NBPF15: variants seen among roughly 807,000 people sequenced by gnomAD.
NBPF15 encodes NBPF member 15.
In NBPF15, 74 loss-of-function variants were observed where a neutral mutation model predicts 62.2. The observed-to-expected ratio is 1.19, with a 90% CI of 0.99 to 1.44. NBPF15 has a LOEUF of 1.44. NBPF15 is among the 40% of genes most tolerant of loss of function. The probability of loss-of-function intolerance (pLI) is 0.00; values close to 1 mark genes in which losing one functional copy is unlikely to be tolerated. For missense variants in NBPF15, 790 were observed against 550.0 expected, an observed-to-expected ratio of 1.44 and a Z score of -4.36; for synonymous variants, 244 against 209.7, an observed-to-expected ratio of 1.16 and a Z score of -1.41.
intron 4 of NBPF15, among the ~76,000 whole-genome samples, chr1:144,453,638 C>CAAAAAA (rs200525708): frequency 1.9e-4 from 7 of 36,378 alleles, no homozygotes; most frequent in Admixed American, 3.7e-4. Context: ...CAACACAAAG[C>CAAAAAA]AAAAAAAAAA....
In NBPF15 at chr1:144,439,871, T is replaced by G. The variant is rs1291388138; in HGVS notation, c.133A>C (p.Thr45Pro). ...TTGGCCAGGAAGCCGGCCAGTTGAG[T>G]TAGAAAACATTTCTCTTTGAGGTTT... is the stretch of plus-strand genomic sequence containing the variant. ...FRNLKEKCFL[T>P]QLAGFLANRQ... is the part of the protein sequence containing the mutation. The change falls in exon 8 of 22, where the codon ACT (threonine) becomes CCT (proline). Residue 45 changes from threonine to proline, a missense_variant. By Grantham distance (38) the Thr-to-Pro change is conservative (BLOSUM62 -1). Coordinates refer to ENST00000581897, the MANE Select transcript of NBPF15 (RefSeq NM_001385408.1). The G allele has an allele frequency of 3.7e-6, 6 of 1,610,496 alleles. No homozygotes were observed. In the East Asian group the frequency reaches 1.3e-4, roughly 36 times the overall value.
At chr1:144,434,814 A>G (rs1553540726) in intron 12 of NBPF15, among the ~76,000 whole-genome samples, 1 of 151,990 alleles carries the variant, frequency 6.6e-6, no homozygotes, top group Non-Finnish European at 1.5e-5. Flanking sequence ...ACTTAATCAC[A>G]GATGACAAGA....
rs1282327219 is a variant in NBPF15 at position 144,456,676 on chromosome 1, G to A, written c.-571C>T. The stretch of plus-strand genomic sequence containing the variant: ...AGTGGGAGTTGGTGGCAGCCCCAGC[G>A]TGGAGGCCAAGAACACACAGCACTG... On this transcript the variant is annotated 5_prime_UTR_variant, in exon 4 of 22. The change creates a new upstream start codon in the 5' untranslated region. Transcript: ENST00000581897. The A allele has an allele frequency of 1.7e-4, 250 of 1,440,944 alleles. 2 individuals are homozygous for A. Among genetic ancestry groups the A allele is most frequent in the African/African-American group, 4.0e-4 (28 of 69,392 alleles). 89.3% of individuals were successfully genotyped at this position (1,440,944 alleles called of 1,614,324 possible).
rs1231910724 is a variant in NBPF15 at position 144,459,377 on chromosome 1, A to G, written c.-712T>C. On this transcript the variant is annotated 5_prime_UTR_variant, in exon 3 of 22. Transcript: ENST00000581897. The stretch of plus-strand genomic sequence containing the variant: ...GTGGTGGTGCTCACCTGTAGGTCCC[A>G]GCTACTTGGGGGCTGAGGCAGGAGG... 3.3e-5 allele frequency: 5 copies of G among 151,998 alleles called. No individual in the cohort carries two copies. The highest frequency in any genetic ancestry group is 7.4e-5 in the Non-Finnish European group (5 of 68,008). The allele number at this position is 151,998 out of a possible 1,614,324, so 9.4% of individuals were successfully genotyped here. A position where few individuals can be genotyped will look rare whatever the true frequency, so the allele number is the denominator to read the frequency against.
chr1:144,435,228 C>G lies in NBPF15; in HGVS notation c.655G>C (p.Asp219His). The change falls in exon 12 of 22, where the codon GAC (aspartate) becomes CAC (histidine). Residue 219 changes from aspartate to histidine, a missense_variant. Coordinates refer to ENST00000581897, the MANE Select transcript of NBPF15 (RefSeq NM_001385408.1). ...ITCSNSHGPYDSNQPHKKTKI... is the reference protein window; with the variant it reads ...ITCSNSHGPYHSNQPHKKTKI... ...GTTTTCTTATGTGGCTGGTTGGAGT[C>G]ATAAGGGCCATGGCTATTTGAACAA... is the stretch of plus-strand genomic sequence containing the variant. The G allele has an allele frequency of 1.2e-6, 2 of 1,612,908 alleles. No individual in the cohort carries two copies. The highest frequency in any genetic ancestry group is 1.7e-6 in the Non-Finnish European group (2 of 1,179,644).
At chr1:144,428,976 T>C (rs9438340) in intron 14 of NBPF15, among the ~76,000 whole-genome samples, 4 of 152,046 alleles carry the variant, frequency 2.6e-5, no homozygotes, top group Admixed American at 6.6e-5. Flanking sequence ...ATAGGAGAGA[T>C]ACTTCAATAT....
chr1:144,429,058 G>A (rs1367869635), intron 14 of NBPF15, among the ~76,000 whole-genome samples: 1 of 151,778 alleles, frequency 6.6e-6, no homozygotes, highest in Non-Finnish European at 1.5e-5. Context: ...TTGATGAAGG[G>A]GTGCAATGTA....
In NBPF15 at chr1:144,426,450, C is replaced by T. The variant is rs1430504547; in HGVS notation, c.1266G>A (p.Arg422=). 1.3e-6 allele frequency: 1 copy of T among 795,838 alleles called. No individual in the cohort carries two copies. The highest frequency in any genetic ancestry group is 2.3e-6 in the Non-Finnish European group (1 of 436,708). The allele number at this position is 795,838 out of a possible 1,614,324, so 49.3% of individuals were successfully genotyped here. A position where few individuals can be genotyped will look rare whatever the true frequency, so the allele number is the denominator to read the frequency against. Residue 422 remains arginine (R), a splice_region_variant and synonymous_variant, in exon 18 of 22, where the codon AGG becomes AGA. Transcript: ENST00000581897. The part of the protein sequence containing the change: ...VEEDQDPSCP[R]LSRELLDEKE... The stretch of plus-strand genomic sequence containing the variant: ...TCTCATCCAGCAGCTCCCTGCTGAG[C>T]CTGGAAAAGTAGGAAAAAGTAAAGA...
At chr1:144,457,459 T>A (rs1553547303) in intron 3 of NBPF15, among the ~76,000 whole-genome samples, 1 of 152,072 alleles carries the variant, frequency 6.6e-6, no homozygotes, top group Non-Finnish European at 1.5e-5. Context: ...TCCTTTTATG[T>A]CAGGTTGACT....
intron 6 of NBPF15, among the ~76,000 whole-genome samples, chr1:144,445,270 G>GTATATATATATATATA (rs59434439): frequency 8.6e-5 from 9 of 105,014 alleles, no homozygotes; most frequent in African/African-American, 2.9e-4. Flanking sequence ...GTCTGTATAT[G>GTATATATATATATATA]TATATATATA....
chr1:144,426,679 A>T (rs1553539327), intron 17 of NBPF15, among the ~76,000 whole-genome samples: 1 of 151,656 alleles, frequency 6.6e-6, no homozygotes. Context: ...AAGTGAGCTC[A>T]GCGAATTGGC....
At chr1:144,441,489 G>A (rs1553542644) in intron 6 of NBPF15, among the ~76,000 whole-genome samples, 2 of 148,792 alleles carry the variant, frequency 1.3e-5, no homozygotes, top group Admixed American at 6.7e-5. Context: ...CAATTTCTTT[G>A]TAATAGGAGT....
intron 2 of NBPF15, among the ~76,000 whole-genome samples, chr1:144,459,893 A>G (rs61812053): frequency 2.0e-5 from 3 of 151,874 alleles, no homozygotes; most frequent in Admixed American, 2.0e-4. Flanking sequence ...ACGTTCAACA[A>G]TATGTAATAC....
At position 144,435,288 on chromosome 1, in the gene NBPF15, C is replaced by G. The variant is rs2102006821; in HGVS notation, c.595G>C (p.Val199Leu). 6.2e-7 allele frequency: 1 copy of G among 1,611,432 alleles called. No homozygotes were observed. Among genetic ancestry groups the G allele is most frequent in the South Asian group, 1.1e-5 (1 of 90,974 alleles). Reference protein sequence around the residue: ...REMQKAEEKEVPEDSLEECAI... With the variant: ...REMQKAEEKELPEDSLEECAI... ...CATTCCTCCAGTGAGTCCTCAGGGA[C>G]TTCCTTTTCTTCAGCCTTCTGCATC... Residue 199 changes from valine (V) to leucine (L), a missense_variant, in exon 12 of 22, where the codon GTC becomes CTC. Val to Leu is a conservative substitution (Grantham distance 32). Transcript: ENST00000581897.
Position 144,427,938 on chromosome 1 carries a change from G to A in NBPF15, c.1093C>T (p.Leu365=). 5.2e-6 allele frequency: 4 copies of A among 769,980 alleles called. No individual in the cohort carries two copies. 47.7% of individuals were successfully genotyped at this position (769,980 alleles called of 1,614,324 possible). A position where few individuals can be genotyped will look rare whatever the true frequency, so the allele number is the denominator to read the frequency against. The part of the protein sequence containing the change: ...EKEPEVLQDS[L]DRCYSTPSGC... ...GAAGGAGTTGAATAACATCTATCCA[G>A]TGAGTCCTGCAAGACTTCAGGCTCT... Residue 365 remains leucine, a synonymous_variant, in exon 16 of 22, where the codon CTG becomes TTG. Transcript: ENST00000581897.
Position 144,422,722 on chromosome 1 carries a change from C to T in NBPF15, c.*291G>A. ...GAGACATGCCTGCAAAATGAAATCC[C>T]TGAGGAATTTTGTAGCTACCCAGAG... On this transcript the variant is annotated 3_prime_UTR_variant, in exon 22 of 22. Transcript: ENST00000581897. 5.0e-6 allele frequency: 3 copies of T among 596,146 alleles called. No individual in the cohort carries two copies. Among genetic ancestry groups the T allele is most frequent in the Admixed American group, 3.1e-5 (1 of 31,970 alleles). 36.9% of individuals were successfully genotyped at this position (596,146 alleles called of 1,614,324 possible).
chr1:144,423,207 A>G lies in NBPF15; in HGVS notation c.1819T>C (p.Ser607Pro), dbSNP rs782794835. 1.2e-6 allele frequency: 2 copies of G among 1,611,658 alleles called. No individual in the cohort carries two copies. Among genetic ancestry groups the G allele is most frequent in the Admixed American group, 1.7e-5 (1 of 59,986 alleles). Residue 607 changes from serine (S) to proline (P), a missense_variant, in exon 22 of 22, where the codon TCA (serine) becomes CCA (proline). Transcript: ENST00000581897. ...GGAGTCGAATAACATCTATCCAGTG[A>G]GTCCTGTAAGACTTCAGGCTCTTCC... ...EVEEPEVLQD[S>P]LDRCYSTPSM...
At chr1:144,451,657 A>G (rs1457691870) in intron 4 of NBPF15, among the ~76,000 whole-genome samples, 1 of 151,666 alleles carries the variant, frequency 6.6e-6, no homozygotes, top group Non-Finnish European at 1.5e-5. Context: ...TTTGTTTAAC[A>G]AAGCACACCC....
chr1:144,429,308 C>A lies in NBPF15; in HGVS notation c.988+392G>T, dbSNP rs1244850057. Among the ~76,000 whole-genome samples, 23 of 149,542 alleles carry A rather than the reference C, an allele frequency of 1.5e-4. 1 individual carries two copies. Among genetic ancestry groups the A allele is most frequent in the African/African-American group, 4.1e-4 (16 of 39,108 alleles). On this transcript the variant is annotated intron_variant, in intron 14 of 21. Coordinates refer to ENST00000581897, the MANE Select transcript of NBPF15 (RefSeq NM_001385408.1). ...CTGGCCTTGGGCAGGTAAAGAACCA[C>A]ACAGACATGCTTTGGGAACAAAACT...
Sources: gnomAD v4.1 joint callset for allele counts (sites outside exome capture counted in the v4.1 genomes callset) on GRCh38, gnomAD v4.1.1 for gene constraint, MANE v1.5 for transcripts, NCBI Gene and HGNC (gene_info 2026-07-23, HGNC 2026-07-21) for gene names.